Variants in SLC4A4 observed in about 807,000 individuals in gnomAD.
The protein encoded by SLC4A4 is solute carrier family 4 member 4, also known as electrogenic sodium bicarbonate cotransporter 1.
A neutral mutation model predicts 111.5 loss-of-function variants in SLC4A4; 27 were observed. The ratio of observed to expected loss-of-function variants is 0.24; its 90% CI spans 0.18 to 0.33. The LOEUF (loss-of-function observed/expected upper bound fraction) is 0.33. Among genes scored for constraint, SLC4A4 ranks in the 10% least tolerant of loss-of-function variants. The pLI is 1.00. For missense variants in SLC4A4, 909 were observed against 1,315.5 expected, an observed-to-expected ratio of 0.69 and a Z score of 4.78; for synonymous variants, 443 against 463.4, an observed-to-expected ratio of 0.96 and a Z score of 0.57.
chr4:71,072,595 G>C (rs1320084034), intron 1 of SLC4A4, among the ~76,000 whole-genome samples: 3 of 151,348 alleles, frequency 2.0e-5, no homozygotes, highest in African/African-American at 7.3e-5. Flanking sequence ...TTTAGATACA[G>C]CTTGCTATTT....
At chr4:71,518,970 T>A (rs952370018) in intron 16 of SLC4A4, among the ~76,000 whole-genome samples, 1 of 152,180 alleles carries the variant, frequency 6.6e-6, no homozygotes, top group Non-Finnish European at 1.5e-5. Context: ...CTCATTTCCC[T>A]CTCCTCTCAA....
At position 71,450,530 on chromosome 4, in the gene SLC4A4, T is replaced by A. The variant is rs758762368; in HGVS notation, c.1195T>A (p.Ser399Thr). Residue 399 changes from serine (S) to threonine (T), a missense_variant, in exon 10 of 26, where the codon TCC becomes ACC. By Grantham distance (58) the Ser-to-Thr change is moderately conservative (BLOSUM62 1). Around this residue, in one of 7 missense-constraint regions of SLC4A4, gnomAD observed 312 missense variants for 402.0 expected, o/e 0.78. Transcript: ENST00000264485. ...GATAGAGCCTCCTAAGAGTCTTCCATCCTCTGACAAAAGGTAAATTATAGG... is the reference window on the plus strand; with the variant it reads ...GATAGAGCCTCCTAAGAGTCTTCCAACCTCTGACAAAAGGTAAATTATAGG... ...IRIEPPKSLP[S>T]SDKRKNMYSG... The A allele has an allele frequency of 7.4e-6, 12 of 1,613,446 alleles. No individual in the cohort carries two copies. The East Asian group carries it at 2.5e-4, about 33-fold the overall frequency.
chr4:71,092,377 G>A (rs6816128), intron 1 of SLC4A4, among the ~76,000 whole-genome samples: 34,735 of 152,048 alleles, frequency 0.23, 4,028 homozygotes, highest in South Asian at 0.24. Flanking sequence ...CATGTTGACA[G>A]ATATTTTAAA....
chr4:71,292,550 T>A (rs1028552075), intron 3 of SLC4A4, among the ~76,000 whole-genome samples: 3 of 152,206 alleles, frequency 2.0e-5, no homozygotes, highest in African/African-American at 7.2e-5. Context: ...CTCTATAAAA[T>A]GTAATTTAGA....
chr4:71,408,189 A>G (rs1167055198), intron 7 of SLC4A4, among the ~76,000 whole-genome samples: 5 of 152,182 alleles, frequency 3.3e-5, no homozygotes, highest in Non-Finnish European at 7.3e-5. Context: ...AACATTGAGT[A>G]TTTTAATCAC....
intron 12 of SLC4A4, among the ~76,000 whole-genome samples, chr4:71,456,531 T>C (rs1260852815): frequency 6.6e-6 from 1 of 152,198 alleles, no homozygotes; most frequent in East Asian, 1.9e-4. Flanking sequence ...GGAGAAGTCT[T>C]CTTGACCTGG....
rs539742800 is a variant in SLC4A4 at position 71,094,223 on chromosome 4, A to C, written c.-2+1431A>C. ...CTTCAAGGGAGTTTTATCTTTTGAC[A>C]ATATCAAGTTTTGTTTCATCAGGGT... On this transcript the variant is annotated intron_variant, in intron 2 of 26. Coordinates refer to the SLC4A4 transcript ENST00000649996. Among the ~76,000 whole-genome samples, 39 of 125,890 alleles carry C rather than the reference A, an allele frequency of 3.1e-4. No homozygotes were observed. In the East Asian group the frequency reaches 8.1e-3, roughly 26 times the overall value. 82.6% of individuals were successfully genotyped at this position (125,890 alleles called of 152,430 possible). A position where few individuals can be genotyped will look rare whatever the true frequency, so the allele number is the denominator to read the frequency against.
intron 3 of SLC4A4, chr4:71,338,934 C>T (rs1031281906): frequency 1.2e-5 from 7 of 607,892 alleles, no homozygotes; most frequent in South Asian, 4.3e-5. Flanking sequence ...GGGTGGGAGG[C>T]GGGGACTTGG....
chr4:71,511,495 T>C (rs1442420670), intron 16 of SLC4A4, among the ~76,000 whole-genome samples: 1 of 152,086 alleles, frequency 6.6e-6, no homozygotes, highest in Non-Finnish European at 1.5e-5. Flanking sequence ...TAAAGCTGAG[T>C]GCTAATTTTC....
At chr4:71,348,744 T>C (rs1729553493) in intron 4 of SLC4A4, among the ~76,000 whole-genome samples, 1 of 152,182 alleles carries the variant, frequency 6.6e-6, no homozygotes, top group Non-Finnish European at 1.5e-5. Flanking sequence ...CCTGGTCTAC[T>C]AATGTGTTTT....
chr4:71,420,130 GA>G (rs1194492694), intron 7 of SLC4A4, among the ~76,000 whole-genome samples: 4 of 152,196 alleles, frequency 2.6e-5, no homozygotes, highest in African/African-American at 9.7e-5. Context: ...CCAATACAGA[GA>G]AGTACTTAAA....
intron 14 of SLC4A4, among the ~76,000 whole-genome samples, chr4:71,476,424 G>A (rs578034199): frequency 4.6e-5 from 7 of 151,810 alleles, no homozygotes; most frequent in Admixed American, 1.3e-4. Context: ...TTAAACTGGC[G>A]TATGACTTGT....
At chr4:71,134,062 A>G (rs1451078472) in intron 2 of SLC4A4, among the ~76,000 whole-genome samples, 1 of 152,196 alleles carries the variant, frequency 6.6e-6, no homozygotes, top group Admixed American at 6.5e-5. Context: ...TGTGAGACAT[A>G]TACATGAATC....
intron 2 of SLC4A4, among the ~76,000 whole-genome samples, chr4:71,247,695 A>G (rs941370293): frequency 6.6e-6 from 1 of 152,182 alleles, no homozygotes; most frequent in African/African-American, 2.4e-5. Context: ...GAAATGTTGG[A>G]AACTGTCAGT....
intron 3 of SLC4A4, among the ~76,000 whole-genome samples, chr4:71,277,795 T>G (rs1252500050): frequency 2.0e-5 from 3 of 152,172 alleles, no homozygotes; most frequent in African/African-American, 7.2e-5. Context: ...TAGCTTGTCT[T>G]TTTTCTGCTT....
intron 3 of SLC4A4, among the ~76,000 whole-genome samples, chr4:71,290,554 T>A: frequency 6.6e-6 from 1 of 152,224 alleles, no homozygotes; most frequent in East Asian, 1.9e-4. Flanking sequence ...AGTGCAAAAG[T>A]GCATCAGGGA....
chr4:71,284,260 A>G (rs761683344), intron 3 of SLC4A4, among the ~76,000 whole-genome samples: 18 of 152,242 alleles, frequency 1.2e-4, no homozygotes, highest in Non-Finnish European at 2.2e-4. Context: ...GAATTTGAGT[A>G]TAAAAGGAGT....
At chr4:71,215,721 G>T (rs1718386965) in intron 1 of SLC4A4, among the ~76,000 whole-genome samples, 1 of 152,142 alleles carries the variant, frequency 6.6e-6, no homozygotes, top group Non-Finnish European at 1.5e-5. Flanking sequence ...GGTAACTACT[G>T]GGTGTGTGCT....
chr4:71,084,917 C>G (rs1274331809), intron 1 of SLC4A4, among the ~76,000 whole-genome samples: 1 of 152,014 alleles, frequency 6.6e-6, no homozygotes. Flanking sequence ...TGGGTATATA[C>G]CCAGTAATGG....
Sources: gnomAD v4.1 joint callset for allele counts (sites outside exome capture counted in the v4.1 genomes callset) on GRCh38, gnomAD v4.1.1 for gene constraint, gnomAD v4.1.1 regional missense constraint, MANE v1.5 for transcripts, NCBI Gene and HGNC (gene_info 2026-07-23, HGNC 2026-07-21) for gene names.